Variants in NUBPL observed in about 807,000 individuals in gnomAD.
The protein encoded by NUBPL is iron-sulfur cluster transfer protein NUBPL.
Under a neutral mutation model 45.7 loss-of-function variants are expected in NUBPL, and 31 were observed. The ratio of observed to expected loss-of-function variants is 0.68; its 90% CI spans 0.51 to 0.92. NUBPL has a LOEUF of 0.92. NUBPL is among the 40% of genes least tolerant of loss of function. NUBPL has a pLI of 0.00. For missense variants in NUBPL, 401 were observed against 398.7 expected (o/e 1.01, Z -0.05); for synonymous variants, 144 against 140.9 (o/e 1.02, Z -0.15).
intron 8 of NUBPL, among the ~76,000 whole-genome samples, chr14:31,832,538 A>G (rs2138986124): frequency 6.6e-6 from 1 of 152,308 alleles, no homozygotes; most frequent in Non-Finnish European, 1.5e-5. Context: ...TTGTGATTTA[A>G]TAGTGTTTGT....
chr14:31,674,879 G>A (rs1036102557), intron 6 of NUBPL, among the ~76,000 whole-genome samples: 5 of 152,150 alleles, frequency 3.3e-5, no homozygotes, highest in African/African-American at 1.2e-4. Context: ...GCTCACGCCT[G>A]TAATCCCAGC....
chr14:31,783,959 C>A (rs1157103077), intron 6 of NUBPL, among the ~76,000 whole-genome samples: 1 of 152,158 alleles, frequency 6.6e-6, no homozygotes, highest in African/African-American at 2.4e-5. Context: ...TCTGCCGGTG[C>A]TAGGAGTTTT....
chr14:31,706,116 A>T (rs551576840), intron 6 of NUBPL, among the ~76,000 whole-genome samples: 1 of 152,046 alleles, frequency 6.6e-6, no homozygotes, highest in Non-Finnish European at 1.5e-5. Flanking sequence ...AGATGCCAAG[A>T]GTGAGCAAGG....
At chr14:31,859,009 C>A in intron 10 of NUBPL, 109 bp from the exon 11 acceptor site, 1 of 888,146 alleles carries the variant, frequency 1.1e-6, no homozygotes, top group Non-Finnish European at 1.9e-6. Context: ...CCTCATCTCA[C>A]TCAGCCTTTT....
intron 6 of NUBPL, among the ~76,000 whole-genome samples, chr14:31,772,241 T>C (rs10142569): frequency 0.038 from 5,723 of 152,320 alleles, 151 homozygotes; most frequent in African/African-American, 0.082. Flanking sequence ...TTACTCCTAC[T>C]GGAAAAAATT....
At chr14:31,566,332 AT>A (rs1405070392) in intron 3 of NUBPL, among the ~76,000 whole-genome samples, 1 of 152,132 alleles carries the variant, frequency 6.6e-6, no homozygotes, top group Non-Finnish European at 1.5e-5. Flanking sequence ...GGTTATGTAA[AT>A]TTTATTCACC....
intron 4 of NUBPL, among the ~76,000 whole-genome samples, chr14:31,658,286 C>G (rs1457122486): frequency 1.3e-5 from 2 of 152,186 alleles, no homozygotes; most frequent in African/African-American, 2.4e-5. Context: ...CAGGCCTTAA[C>G]TGAAATACTT....
intron 4 of NUBPL, among the ~76,000 whole-genome samples, chr14:31,625,656 A>C (rs1185408194): frequency 2.6e-5 from 4 of 151,760 alleles, no homozygotes; most frequent in Non-Finnish European, 5.9e-5. Flanking sequence ...TTGTATTTTT[A>C]GTAGAGACAG....
chr14:31,851,218 A>G (rs532403937), intron 10 of NUBPL, among the ~76,000 whole-genome samples: 38 of 148,330 alleles, frequency 2.6e-4, no homozygotes, highest in African/African-American at 9.5e-4. Context: ...GCCCCAATCA[A>G]TCTTCTAATA....
intron 7 of NUBPL, among the ~76,000 whole-genome samples, chr14:31,793,878 C>G (rs1406752213): frequency 1.2e-5 from 1 of 80,948 alleles, no homozygotes; most frequent in Non-Finnish European, 2.1e-5. Context: ...TATCCCTCCC[C>G]CCTCCCCCGA....
chr14:31,769,906 T>G (rs2038978321), intron 6 of NUBPL, among the ~76,000 whole-genome samples: 1 of 152,168 alleles, frequency 6.6e-6, no homozygotes, highest in Admixed American at 6.5e-5. Flanking sequence ...AGCTAGTTTG[T>G]GACAAGAATG....
intron 3 of NUBPL, among the ~76,000 whole-genome samples, chr14:31,588,763 A>G (rs1245021603): frequency 2.0e-5 from 3 of 151,906 alleles, no homozygotes; most frequent in Non-Finnish European, 4.4e-5. Context: ...AAAATACAAA[A>G]AAAAAATTAG....
intron 3 of NUBPL, among the ~76,000 whole-genome samples, chr14:31,592,845 A>G (rs1389865063): frequency 6.6e-6 from 1 of 152,128 alleles, no homozygotes; most frequent in Non-Finnish European, 1.5e-5. Context: ...CTGGGATGTA[A>G]TAGGGAATCT....
chr14:31,609,327 A>G (rs2034691148), intron 4 of NUBPL, among the ~76,000 whole-genome samples: 1 of 152,182 alleles, frequency 6.6e-6, no homozygotes, highest in African/African-American at 2.4e-5. Context: ...GAAGAGACAA[A>G]GAAGGTCACT....
At chr14:31,564,926 TA>T in intron 2 of NUBPL, 87 bp from the exon 3 acceptor site, 1 of 739,056 alleles carries the variant, frequency 1.4e-6, no homozygotes, top group Non-Finnish European at 2.3e-6. Flanking sequence ...ATGAAATTAT[TA>T]AAAATTACAT....
intron 8 of NUBPL, among the ~76,000 whole-genome samples, chr14:31,834,979 A>G (rs1343711010): frequency 6.6e-6 from 1 of 152,142 alleles, no homozygotes; most frequent in Non-Finnish European, 1.5e-5. Context: ...AGGGTTCTTC[A>G]TCAAATTTGC....
intron 4 of NUBPL, among the ~76,000 whole-genome samples, chr14:31,670,876 C>A (rs1376191574): frequency 6.6e-6 from 1 of 152,074 alleles, no homozygotes; most frequent in African/African-American, 2.4e-5. Flanking sequence ...TTACGGTAGC[C>A]CTGTAGTGTA....
chr14:31,793,092 C>T (rs944950163), intron 7 of NUBPL, among the ~76,000 whole-genome samples: 2 of 152,130 alleles, frequency 1.3e-5, no homozygotes, highest in African/African-American at 2.4e-5. Flanking sequence ...GTTCTTCTCC[C>T]TTTTCTTATG....
chr14:31,786,047 A>G (rs1027786100), intron 6 of NUBPL, among the ~76,000 whole-genome samples: 1 of 152,022 alleles, frequency 6.6e-6, no homozygotes, highest in African/African-American at 2.4e-5. Flanking sequence ...AGTCCCAGCT[A>G]TTAGGGAGGC....
Sources: gnomAD v4.1 joint callset for allele counts (sites outside exome capture counted in the v4.1 genomes callset) on GRCh38, gnomAD v4.1.1 for gene constraint, MANE v1.5 for transcripts, NCBI Gene and HGNC (gene_info 2026-07-23, HGNC 2026-07-21) for gene names.